The following RNF216 variants were observed in gnomAD, a reference collection of about 807,000 sequenced individuals.
RNF216 encodes the protein ring finger protein 216.
RNF216 carries 72 observed loss-of-function variants against 110.8 expected under a neutral mutation model. That is an observed-to-expected ratio of 0.65 (90% CI 0.54 to 0.79). The LOEUF (loss-of-function observed/expected upper bound fraction) is 0.79, where lower values mean the gene tolerates loss of function less well. RNF216 is among the 30% of genes least tolerant of loss of function. The probability of loss-of-function intolerance (pLI) is 0.00; values close to 1 mark genes in which losing one functional copy is unlikely to be tolerated. For synonymous variants in RNF216, 495 were observed against 407.5 expected, an observed-to-expected ratio of 1.21 and a Z score of -2.59; for missense variants, 1,342 against 1,141.2, an observed-to-expected ratio of 1.18 and a Z score of -2.54.
intron 13 of RNF216, among the ~76,000 whole-genome samples, chr7:5,668,148 A>T (rs958183874): frequency 2.6e-5 from 4 of 152,198 alleles, no homozygotes; most frequent in Non-Finnish European, 5.9e-5. Flanking sequence ...GCAGGCATAG[A>T]AAAGCGGCTG....
chr7:5,648,193 GCC>G (rs1020604514), intron 14 of RNF216, among the ~76,000 whole-genome samples: 4 of 151,036 alleles, frequency 2.6e-5, no homozygotes, highest in Non-Finnish European at 5.9e-5. Flanking sequence ...CATAACCTCT[GCC>G]CCATAGGTTC....
chr7:5,642,210 C>T (rs1487999199), intron 14 of RNF216, among the ~76,000 whole-genome samples: 1 of 150,370 alleles, frequency 6.7e-6, no homozygotes, highest in Non-Finnish European at 1.5e-5. Context: ...ACTCAAGGTT[C>T]TGTTTTGTTT....
At chr7:5,665,199 TCTATCCTCA>T (rs1236849598) in intron 13 of RNF216, among the ~76,000 whole-genome samples, 1 of 152,200 alleles carries the variant, frequency 6.6e-6, no homozygotes, top group Non-Finnish European at 1.5e-5. Context: ...GGGATTCCTC[TCTATCCTCA>T]AAGTACAGTA....
At chr7:5,639,257 A>T (rs979045850) in intron 15 of RNF216, among the ~76,000 whole-genome samples, 7 of 152,130 alleles carry the variant, frequency 4.6e-5, no homozygotes, top group Admixed American at 1.3e-4. Context: ...GCTCCTTTTC[A>T]GACAATGACC....
rs201146568 is a variant in RNF216, at chr7:5,755,184, AGAAG to A, written c.68-2209_68-2206del. On this transcript the variant is annotated intron_variant, in intron 2 of 16. Coordinates refer to ENST00000389902, the MANE Select transcript of RNF216 (RefSeq NM_207111.4). ...GAAAGGAAGGAAAGAGAGGAAAGGA[AGAAG>A]GAAGGAAGGAAGGGAGGGAAGGAAG... 1.2e-3 allele frequency among the ~76,000 whole-genome samples: 170 copies of A among 143,970 alleles called. 2 individuals carry two copies. The highest frequency in any genetic ancestry group is 3.3e-3 in the African/African-American group (129 of 38,828). The allele number at this position is 143,970 out of a possible 152,430, so 94.4% of individuals were successfully genotyped here.
chr7:5,646,841 G>A (rs1371955391), intron 14 of RNF216, among the ~76,000 whole-genome samples: 1 of 152,046 alleles, frequency 6.6e-6, no homozygotes, highest in Non-Finnish European at 1.5e-5. Flanking sequence ...TGCAGTTGGA[G>A]TACTCTGAGT....
chr7:5,652,424 G>C lies in RNF216; in HGVS notation c.2148C>G (p.Tyr716Ter). ...ATTCTGTTACTCACATAGAGGTACGGTACTTGATGTCGTCTTTTTCAGCCA... is the reference window on the plus strand; with the variant it reads ...ATTCTGTTACTCACATAGAGGTACGCTACTTGATGTCGTCTTTTTCAGCCA... Reference protein sequence around the residue: ...EELAEKDDIKYRTSIEEKMTA... With the variant: ...EELAEKDDIK Residue 716 changes from tyrosine (Y) to a stop codon, truncating the protein, a stop_gained, in exon 14 of 17, where the codon TAC (tyrosine) becomes TAG (stop). Transcript: ENST00000389902. LOFTEE classifies it high-confidence loss of function. The C allele has an allele frequency of 6.2e-7, 1 of 1,610,428 alleles. No individual in the cohort carries two copies. Among genetic ancestry groups the C allele is most frequent in the Non-Finnish European group, 8.5e-7 (1 of 1,176,732 alleles).
chr7:5,721,109 TAGG>T lies in RNF216; in HGVS notation c.1565_1567del (p.Ser522del). On this transcript the variant is annotated inframe_deletion, in exon 9 of 17. Coordinates refer to ENST00000389902, the MANE Select transcript of RNF216 (RefSeq NM_207111.4). ...AGCTGGAAGGAGAGCACGTCGGTCATAGGACCTACAATGTCGTCGCTTATTTTC... is the reference window on the plus strand; with the variant it reads ...AGCTGGAAGGAGAGCACGTCGGTCATACCTACAATGTCGTCGCTTATTTTC... 1 of 1,613,958 alleles carries T rather than the reference TAGG, an allele frequency of 6.2e-7. No individual in the cohort carries two copies. The highest frequency in any genetic ancestry group is 8.5e-7 in the Non-Finnish European group (1 of 1,179,802).
chr7:5,653,564 G>C (rs1330672908), intron 13 of RNF216, among the ~76,000 whole-genome samples: 1 of 121,202 alleles, frequency 8.3e-6, no homozygotes, highest in African/African-American at 3.2e-5. Flanking sequence ...TCGCGCCACT[G>C]CACTCCAGCC....
At chr7:5,660,943 G>GTTTTTTTTTTTTTTTTTTTTT (rs1168463360) in intron 13 of RNF216, among the ~76,000 whole-genome samples, 4 of 90,150 alleles carry the variant, frequency 4.4e-5, no homozygotes, top group Admixed American at 1.4e-4. Flanking sequence ...GAAGCCTTAG[G>GTTTTTTTTTTTTTTTTTTTTT]TTTTTTTTTT....
chr7:5,661,101 G>A (rs968314252), intron 13 of RNF216, among the ~76,000 whole-genome samples: 24 of 151,418 alleles, frequency 1.6e-4, no homozygotes, highest in African/African-American at 4.8e-4. Context: ...CACCATGCCC[G>A]GCTAATTTTT....
intron 5 of RNF216, among the ~76,000 whole-genome samples, chr7:5,731,619 C>T (rs1584530291): frequency 6.6e-6 from 1 of 151,496 alleles, no homozygotes; most frequent in East Asian, 1.9e-4. Flanking sequence ...GGGTGGGGTA[C>T]AGCTCTAGCC....
intron 15 of RNF216, among the ~76,000 whole-genome samples, chr7:5,636,702 C>G (rs1032552581): frequency 6.6e-6 from 1 of 152,154 alleles, no homozygotes; most frequent in Non-Finnish European, 1.5e-5. Context: ...TTGATGGGAA[C>G]GGGACAAACG....
chr7:5,769,774 C>T (rs1213841377), intron 1 of RNF216, among the ~76,000 whole-genome samples: 9 of 149,754 alleles, frequency 6.0e-5, no homozygotes, highest in African/African-American at 1.5e-4. Context: ...TGGTGACTCA[C>T]GCCTATAATC....
intron 13 of RNF216, among the ~76,000 whole-genome samples, chr7:5,664,231 C>G (rs1329376929): frequency 6.6e-6 from 1 of 152,176 alleles, no homozygotes. Flanking sequence ...CCTATTGGGT[C>G]TTATTTATAA....
chr7:5,704,002 C>A (rs985265089), intron 13 of RNF216, among the ~76,000 whole-genome samples: 1 of 152,210 alleles, frequency 6.6e-6, no homozygotes, highest in African/African-American at 2.4e-5. Context: ...ACCAAACACA[C>A]CCAATTCATT....
chr7:5,679,951 G>C (rs966464576), intron 13 of RNF216, among the ~76,000 whole-genome samples: 3 of 152,198 alleles, frequency 2.0e-5, no homozygotes, highest in African/African-American at 7.2e-5. Flanking sequence ...TGTATGCACA[G>C]CGAGTCCCTT....
rs150881855 is a variant in RNF216, at chr7:5,712,742, G to A, written c.1955C>T (p.Ala652Val). 372 of 1,614,018 alleles carry A rather than the reference G, an allele frequency of 2.3e-4. No homozygotes were observed. The highest frequency in any genetic ancestry group is 2.9e-4 in the Non-Finnish European group (338 of 1,179,976). Reference sequence around the variant, plus strand: ...GACAAGCTCGTCGGCGTAGGCTGCCGCAACCTCCTCCTCGGCTTTTCGCTC... The same window carrying A: ...GACAAGCTCGTCGGCGTAGGCTGCCACAACCTCCTCCTCGGCTTTTCGCTC... Reference protein sequence around the residue: ...YYERKAEEEVAAAYADELVRC... With the variant: ...YYERKAEEEVVAAYADELVRC... The change falls in exon 12 of 17, where the codon GCG (alanine) becomes GTG (valine). Residue 652 changes from alanine (A) to valine (V), a missense_variant. Ala to Val is a moderately conservative substitution (Grantham distance 64). Coordinates refer to ENST00000389902, the MANE Select transcript of RNF216 (RefSeq NM_207111.4).
rs1793961427 is a variant in RNF216, at chr7:5,729,521, G to A, written c.1300C>T (p.Leu434Phe). ...AGCACTTTGAAGTCGGCCATGAGGAGGTCAGCAGCTTGGATGAAGCAGCGC... is the reference window on the plus strand; with the variant it reads ...AGCACTTTGAAGTCGGCCATGAGGAAGTCAGCAGCTTGGATGAAGCAGCGC... ...DQRCFIQAAD[L>F]LMADFKVLSS... Residue 434 changes from leucine (L) to phenylalanine (F), a missense_variant, in exon 7 of 17, where the codon CTC becomes TTC. Transcript: ENST00000389902. The A allele has an allele frequency of 1.2e-6, 2 of 1,614,002 alleles. No individual in the cohort carries two copies. The highest frequency in any genetic ancestry group is 1.7e-5 in the Admixed American group (1 of 59,998).
Sources: allele counts gnomAD v4.1 joint callset (sites outside exome capture counted in the v4.1 genomes callset), GRCh38; gene constraint gnomAD v4.1.1; transcripts MANE v1.5; gene names NCBI Gene and HGNC (gene_info 2026-07-23, HGNC 2026-07-21).